ACOX3: variants seen among roughly 807,000 people sequenced by gnomAD.
The protein encoded by ACOX3 is peroxisomal acyl-coenzyme A oxidase 3.
In ACOX3, 73 loss-of-function variants were observed where a neutral mutation model predicts 81.5. The observed-to-expected ratio is 0.90, with a 90% CI of 0.74 to 1.09. The LOEUF is 1.09. ACOX3 is among the 50% of genes least tolerant of loss of function. The pLI is 0.00. For synonymous variants in ACOX3, 387 were observed against 375.1 expected (o/e 1.03, Z -0.37); for missense variants, 947 against 928.0 (o/e 1.02, Z -0.27).
At chr4:8,376,605 G>C (rs3756187) in intron 14 of ACOX3, among the ~76,000 whole-genome samples, 104,604 of 152,030 alleles carry the variant, frequency 0.69, 37,415 homozygotes, top group African/African-American at 0.89. Context: ...TTCATGCCAG[G>C]CTGACTGGTC....
chr4:8,378,074 A>G (rs1296222616), intron 14 of ACOX3, among the ~76,000 whole-genome samples: 2 of 152,224 alleles, frequency 1.3e-5, no homozygotes, highest in African/African-American at 2.4e-5. Flanking sequence ...GGCTCGATGC[A>G]GCTAAGGTCA....
intron 1 of ACOX3, among the ~76,000 whole-genome samples, chr4:8,426,602 A>G (rs1217927562): frequency 6.8e-6 from 1 of 147,290 alleles, no homozygotes; most frequent in African/African-American, 2.5e-5. Flanking sequence ...CCCCTTACCA[A>G]GAGCTTCTAT....
At chr4:8,363,849 CA>C (rs771930777), downstream of ACOX3, among the ~76,000 whole-genome samples, 8 of 152,148 alleles carry the variant, frequency 5.3e-5, no homozygotes, top group Non-Finnish European at 1.2e-4. Flanking sequence ...TGACAGTTTA[CA>C]AATGCCATGG....
intron 1 of ACOX3, among the ~76,000 whole-genome samples, chr4:8,420,516 T>C (rs995218030): frequency 1.6e-4 from 25 of 152,214 alleles, no homozygotes; most frequent in Admixed American, 8.5e-4. Flanking sequence ...AAAATACCAA[T>C]TAGGCTAAAA....
At chr4:8,357,552 A>G in the ACOX3 span, 1 of 304,086 alleles carries the variant, frequency 3.3e-6, no homozygotes, top group East Asian at 7.8e-5. Flanking sequence ...CGGTGGCAGC[A>G]AGCAATGACA....
downstream of ACOX3, among the ~76,000 whole-genome samples, chr4:8,362,672 G>A (rs1259543425): frequency 1.3e-5 from 2 of 152,206 alleles, no homozygotes; most frequent in Non-Finnish European, 2.9e-5. Flanking sequence ...TCCCTGTATG[G>A]GGTTCCTGAC....
In ACOX3 at chr4:8,414,964, G is replaced by GGTAAC; in HGVS notation, c.379-37_379-36insGTTAC. 1 of 1,587,274 alleles carries GGTAAC rather than the reference G, an allele frequency of 6.3e-7. No individual in the cohort carries two copies. The highest frequency in any genetic ancestry group is 8.7e-7 in the Non-Finnish European group (1 of 1,155,648). ...AACATCGTCCTATCAACAGGGGGCAGGTAAGAAGAGTACTGCTCTTCCGGA... is the reference window on the plus strand; with the variant it reads ...AACATCGTCCTATCAACAGGGGGCAGGTAACGTAAGAAGAGTACTGCTCTTCCGGA... On this transcript the variant is annotated intron_variant, in intron 3 of 17. Transcript: ENST00000356406. The surrounding 1 kb of genome is among the most constrained non-coding windows in gnomAD (Gnocchi z 6.1).
chr4:8,440,363 C>T (rs551650986), intron 1 of ACOX3, among the ~76,000 whole-genome samples: 6 of 152,222 alleles, frequency 3.9e-5, no homozygotes, highest in Non-Finnish European at 8.8e-5. Flanking sequence ...CATGGGACAA[C>T]GTTACATCAT....
Position 8,394,803 on chromosome 4 carries a change from C to A in ACOX3, c.1057-61G>T. ...GGTTCCCATGAAGGGCAGCCCATCC[C>A]AGGGACCATGAAAGCCAGTGCAGGG... is the stretch of plus-strand genomic sequence containing the variant. On this transcript the variant is annotated intron_variant, in intron 9 of 17. Coordinates refer to ENST00000356406, the MANE Select transcript of ACOX3 (RefSeq NM_003501.3). The surrounding 1 kb of genome is among the most constrained non-coding windows in gnomAD (Gnocchi z 5.9). 1 of 1,571,220 alleles carries A rather than the reference C, an allele frequency of 6.4e-7. No homozygotes were observed. The highest frequency in any genetic ancestry group is 8.7e-7 in the Non-Finnish European group (1 of 1,155,382).
At chr4:8,404,666 T>C (rs1720736191) in intron 7 of ACOX3, among the ~76,000 whole-genome samples, 1 of 152,138 alleles carries the variant, frequency 6.6e-6, no homozygotes, top group Non-Finnish European at 1.5e-5. Context: ...CGCTGAGCGC[T>C]CAGATGCCCA....
intron 8 of ACOX3, among the ~76,000 whole-genome samples, chr4:8,398,727 T>C (rs62286036): frequency 0.031 from 4,752 of 152,300 alleles, 78 homozygotes; most frequent in South Asian, 0.04. Flanking sequence ...CTGCCCACTT[T>C]GGCCTCCCAC....
rs1327686155 is a variant in ACOX3 at position 8,405,455 on chromosome 4, A to G, written c.776+500T>C. 1.3e-5 allele frequency among the ~76,000 whole-genome samples: 2 copies of G among 152,192 alleles called. No homozygotes were observed. The highest frequency in any genetic ancestry group is 4.8e-5 in the African/African-American group (2 of 41,452). ...GTCACATGTGTGCTGCTAAATAGAT[A>G]TATGTGGGCTGATTAAACAAATAAG... On this transcript the variant is annotated intron_variant, in intron 7 of 17. Transcript: ENST00000356406. This position sits in a 1 kb window ranked among gnomAD's most constrained non-coding sequence, Gnocchi z 7.1.
Position 8,394,744 on chromosome 4 carries a change from T to C in ACOX3, c.1057-2A>G. On this transcript the variant is annotated splice_acceptor_variant, in intron 9 of 17. Transcript: ENST00000356406. LOFTEE classifies it high-confidence loss of function. This position sits in a 1 kb window ranked among gnomAD's most constrained non-coding sequence, Gnocchi z 5.9. ...CAGATATGGAAGCAAGCGCCATTGC[T>C]AGAACAGACAAGACACCTGCGTGAA... The C allele has an allele frequency of 1.2e-6, 2 of 1,612,654 alleles. No homozygotes were observed. Among genetic ancestry groups the C allele is most frequent in the Non-Finnish European group, 1.7e-6 (2 of 1,179,376 alleles).
intron 14 of ACOX3, among the ~76,000 whole-genome samples, chr4:8,376,393 G>A (rs766317124): frequency 1.6e-4 from 25 of 152,046 alleles, no homozygotes; most frequent in Non-Finnish European, 3.5e-4. Flanking sequence ...GGTGTATGGG[G>A]GACTGACTGC....
chr4:8,390,342 CAA>C (rs138926683), intron 11 of ACOX3, among the ~76,000 whole-genome samples: 2 of 134,000 alleles, frequency 1.5e-5, no homozygotes, highest in African/African-American at 5.4e-5. Flanking sequence ...AGACTCTGAC[CAA>C]AAAAAAAAAA....
chr4:8,419,290 G>T lies in ACOX3; in HGVS notation c.-14-2755C>A, dbSNP rs181865876. Among the ~76,000 whole-genome samples, 1,210 of 152,116 alleles carry T rather than the reference G, an allele frequency of 8.0e-3. 8 individuals carry two copies. Among genetic ancestry groups the T allele is most frequent in the Non-Finnish European group, 0.011 (776 of 67,982 alleles). On this transcript the variant is annotated intron_variant, in intron 1 of 17. Transcript: ENST00000356406. The surrounding 1 kb of genome is among the most constrained non-coding windows in gnomAD (Gnocchi z 4.2). ...CTCTACTAAAAATACAAAAAAATTA[G>T]CCGGGCATGGTGGCAGGTGCCTATA...
chr4:8,415,708 C>A, intron 3 of ACOX3, 58 bp downstream of exon 3: 1 of 1,503,572 alleles, frequency 6.7e-7, no homozygotes, highest in East Asian at 2.3e-5. Flanking sequence ...GACAGGCATC[C>A]CTCAAGGCTC....
rs1723942235 is a variant in ACOX3, at chr4:8,431,376, G to A, written c.-15+9272C>T. Among the ~76,000 whole-genome samples the A allele has an allele frequency of 6.6e-6, 1 of 152,210 alleles. No individual in the cohort carries two copies. Among genetic ancestry groups the A allele is most frequent in the Non-Finnish European group, 1.5e-5 (1 of 68,030 alleles). On this transcript the variant is annotated intron_variant, in intron 1 of 17. Coordinates refer to ENST00000356406, the MANE Select transcript of ACOX3 (RefSeq NM_003501.3). This position sits in a 1 kb window ranked among gnomAD's most constrained non-coding sequence, Gnocchi z 5.3. Reference sequence around the variant, plus strand: ...CGGGGCCACCTTCTGGCATTTGCCTGCTCACGCTGTAGCACTCTCCATCCA... The same window carrying A: ...CGGGGCCACCTTCTGGCATTTGCCTACTCACGCTGTAGCACTCTCCATCCA...
intron 1 of ACOX3, among the ~76,000 whole-genome samples, chr4:8,425,863 CGA>C (rs1322810698): frequency 5.9e-5 from 9 of 152,040 alleles, no homozygotes; most frequent in Non-Finnish European, 1.0e-4. Context: ...AGTAACCCAG[CGA>C]GTATCGCAGA....
Sources: allele counts gnomAD v4.1 joint callset (sites outside exome capture counted in the v4.1 genomes callset), GRCh38; gene constraint gnomAD v4.1.1; non-coding constraint Gnocchi (gnomAD v3.1); transcripts MANE v1.5; gene names NCBI Gene and HGNC (gene_info 2026-07-23, HGNC 2026-07-21).